The following TPRG1 variants were observed in gnomAD, a reference collection of about 807,000 sequenced individuals.
TPRG1 encodes tumor protein p63 regulated 1, also known as tumor protein p63-regulated gene 1 protein.
In TPRG1, 29 loss-of-function variants were observed where a neutral mutation model predicts 29.3. The observed-to-expected ratio is 0.99, with a 90% confidence interval of 0.74 to 1.35. The LOEUF (loss-of-function observed/expected upper bound fraction) is 1.35. TPRG1 is among the 40% of genes most tolerant of loss of function. The pLI is 0.00. For missense variants in TPRG1, 327 were observed against 335.0 expected (o/e 0.98, Z 0.19); for synonymous variants, 130 against 116.8 (o/e 1.11, Z -0.73).
intron 4 of TPRG1, among the ~76,000 whole-genome samples, chr3:189,056,896 G>A (rs887789738): frequency 6.6e-6 from 1 of 152,124 alleles, no homozygotes; most frequent in Non-Finnish European, 1.5e-5. Context: ...ACTATGTCAC[G>A]ATTGAAGATG....
At chr3:189,185,851 TG>T in intron 1 of TPRG1, among the ~76,000 whole-genome samples, 1 of 152,312 alleles carries the variant, frequency 6.6e-6, no homozygotes, top group Non-Finnish European at 1.5e-5. Flanking sequence ...AAAAACCATA[TG>T]GTATGTATAG....
chr3:189,051,677 C>T (rs1016522981), intron 4 of TPRG1, among the ~76,000 whole-genome samples: 1 of 152,142 alleles, frequency 6.6e-6, no homozygotes, highest in African/African-American at 2.4e-5. Context: ...AGACACCACA[C>T]TACCTGATTT....
intron 4 of TPRG1, among the ~76,000 whole-genome samples, chr3:189,064,127 T>G (rs903568364): frequency 2.0e-5 from 3 of 152,178 alleles, no homozygotes; most frequent in African/African-American, 7.2e-5. Context: ...AAGTTCACAA[T>G]TTTCATTGTG....
chr3:189,091,595 C>T (rs1718342124), intron 4 of TPRG1, among the ~76,000 whole-genome samples: 1 of 152,112 alleles, frequency 6.6e-6, no homozygotes, highest in African/African-American at 2.4e-5. Flanking sequence ...TCTTTCGTAA[C>T]ATATATTAAA....
At chr3:189,062,841 T>C (rs188116992) in intron 4 of TPRG1, among the ~76,000 whole-genome samples, 4 of 151,626 alleles carry the variant, frequency 2.6e-5, no homozygotes, top group African/African-American at 7.2e-5. Context: ...AGGAAGGCAA[T>C]AAAAGAGTAA....
intron 3 of TPRG1, among the ~76,000 whole-genome samples, chr3:189,023,087 C>G (rs970846927): frequency 2.0e-5 from 3 of 152,234 alleles, no homozygotes; most frequent in African/African-American, 7.2e-5. Flanking sequence ...TGCTTTGGCT[C>G]GCGCATGGTG....
intron 2 of TPRG1, among the ~76,000 whole-genome samples, chr3:189,213,795 T>C (rs1406756439): frequency 6.6e-6 from 1 of 152,212 alleles, no homozygotes; most frequent in Non-Finnish European, 1.5e-5. Flanking sequence ...TTCTCTTCTG[T>C]TCATTTTTTT....
intron 4 of TPRG1, among the ~76,000 whole-genome samples, chr3:189,255,541 A>G (rs986933942): frequency 2.0e-5 from 3 of 152,186 alleles, no homozygotes; most frequent in African/African-American, 4.8e-5. Context: ...GTCTCATAAA[A>G]TGAGTTAGGG....
intron 4 of TPRG1, among the ~76,000 whole-genome samples, chr3:189,256,616 C>G (rs1711933361): frequency 6.6e-6 from 1 of 152,100 alleles, no homozygotes; most frequent in Non-Finnish European, 1.5e-5. Flanking sequence ...ATTAAAGTCT[C>G]CCACTATTAT....
upstream of TPRG1, among the ~76,000 whole-genome samples, chr3:189,171,701 A>G (rs1362734181): frequency 2.0e-5 from 3 of 152,174 alleles, no homozygotes; most frequent in South Asian, 4.1e-4. Context: ...GCTTAAGCTT[A>G]ATTATAACTA....
At chr3:189,090,318 T>C (rs918110820) in intron 4 of TPRG1, among the ~76,000 whole-genome samples, 2 of 152,162 alleles carry the variant, frequency 1.3e-5, no homozygotes, top group African/African-American at 4.8e-5. Context: ...TGTCGTTAAT[T>C]TCTAACTGTA....
intron 4 of TPRG1, among the ~76,000 whole-genome samples, chr3:189,057,857 CACACATACGT>C (rs1715831067): frequency 9.4e-6 from 1 of 106,888 alleles, no homozygotes; most frequent in African/African-American, 6.2e-5. Context: ...TATATATATA[CACACATACGT>C]ATGTGTGTAT....
chr3:189,290,069 T>C (rs1004168383), intron 4 of TPRG1, among the ~76,000 whole-genome samples: 3 of 152,218 alleles, frequency 2.0e-5, no homozygotes, highest in Non-Finnish European at 2.9e-5. Flanking sequence ...ATTTTGTGTT[T>C]ATGGCAAGTG....
intron 5 of TPRG1, among the ~76,000 whole-genome samples, chr3:189,314,728 C>T (rs990260089): frequency 6.6e-6 from 1 of 152,090 alleles, no homozygotes; most frequent in Non-Finnish European, 1.5e-5. Flanking sequence ...TATAGTTATA[C>T]TTTATATCTA....
intron 4 of TPRG1, among the ~76,000 whole-genome samples, chr3:189,026,533 T>C (rs1483891753): frequency 1.3e-5 from 2 of 152,094 alleles, no homozygotes; most frequent in African/African-American, 4.8e-5. Context: ...ATTGGGGAAG[T>C]TTTTTCTTTC....
At chr3:189,131,136 A>C (rs111978224) in intron 2 of TPRG1, among the ~76,000 whole-genome samples, 2 of 152,184 alleles carry the variant, frequency 1.3e-5, no homozygotes, top group Non-Finnish European at 2.9e-5. Context: ...ACTCTAAAAA[A>C]TGTTTTAAAT....
At chr3:189,121,159 A>G (rs1414642380) in intron 1 of TPRG1, 1 of 152,230 alleles carries the variant, frequency 6.6e-6, no homozygotes, top group Non-Finnish European at 1.5e-5. Context: ...AGTTAGGTAG[A>G]TAAACCTGAG....
chr3:189,213,193 A>AATAAT (rs10692186), intron 2 of TPRG1, among the ~76,000 whole-genome samples: 91,395 of 151,260 alleles, frequency 0.6, 29,746 homozygotes, highest in African/African-American at 0.86. Context: ...TTTTATATGT[A>AATAAT]ATAATATATA....
intron 3 of TPRG1, among the ~76,000 whole-genome samples, chr3:189,136,597 T>G (rs142244869): frequency 6.6e-6 from 1 of 152,284 alleles, no homozygotes; most frequent in East Asian, 1.9e-4. Flanking sequence ...ACAACAAAGA[T>G]AAGTTTACTT....
Sources: gnomAD v4.1 joint callset for allele counts (sites outside exome capture counted in the v4.1 genomes callset) on GRCh38, gnomAD v4.1.1 for gene constraint, MANE v1.5 for transcripts, NCBI Gene and HGNC (gene_info 2026-07-23, HGNC 2026-07-21) for gene names.